The following EXT1 variants were observed in gnomAD, a reference collection of about 807,000 sequenced individuals.
EXT1 encodes exostosin-1.
Under a neutral mutation model 82.5 loss-of-function variants are expected in EXT1, and 20 were observed. The ratio of observed to expected loss-of-function variants is 0.24; its 90% CI spans 0.17 to 0.35. EXT1 has a LOEUF of 0.35. Among genes scored for constraint, EXT1 ranks in the 10% least tolerant of loss-of-function variants. EXT1 has a pLI of 1.00. For missense variants in EXT1, 757 were observed against 936.5 expected (o/e 0.81, Z 2.50); for synonymous variants, 348 against 350.8 (o/e 0.99, Z 0.09).
intron 1 of EXT1, among the ~76,000 whole-genome samples, chr8:118,053,239 T>C (rs1280932414): frequency 6.6e-6 from 1 of 152,108 alleles, no homozygotes; most frequent in Non-Finnish European, 1.5e-5. Context: ...GGAGGTCGGT[T>C]CTAAGCCCTT....
chr8:117,903,435 A>T (rs572053652), intron 1 of EXT1, among the ~76,000 whole-genome samples: 1 of 151,844 alleles, frequency 6.6e-6, no homozygotes, highest in Admixed American at 6.6e-5. Flanking sequence ...CCACTTAAAA[A>T]CTCTATGTTT....
At chr8:118,073,024 A>G (rs542499519) in intron 1 of EXT1, among the ~76,000 whole-genome samples, 14 of 152,306 alleles carry the variant, frequency 9.2e-5, no homozygotes, top group Non-Finnish European at 1.9e-4. Context: ...CTGATACTGG[A>G]CTTCAGGGGC....
intron 1 of EXT1, among the ~76,000 whole-genome samples, chr8:118,109,027 A>G (rs1817844041): frequency 6.6e-6 from 1 of 152,178 alleles, no homozygotes; most frequent in Admixed American, 6.5e-5. Flanking sequence ...AGCCAGATGT[A>G]AGTGAGAGTC....
chr8:118,075,882 C>T (rs946524898), intron 1 of EXT1, among the ~76,000 whole-genome samples: 1 of 152,076 alleles, frequency 6.6e-6, no homozygotes, highest in African/African-American at 2.4e-5. Flanking sequence ...CAAGCCATGA[C>T]GGATCAGTCC....
intron 1 of EXT1, 91 bp downstream of exon 1, chr8:118,109,994 C>T: frequency 6.9e-6 from 11 of 1,584,414 alleles, no homozygotes; most frequent in East Asian, 2.2e-5. Context: ...AGGGCTCATC[C>T]GCCCTCACCC....
intron 3 of EXT1, among the ~76,000 whole-genome samples, chr8:117,834,853 T>A (rs978364511): frequency 6.6e-5 from 10 of 151,498 alleles, no homozygotes; most frequent in East Asian, 5.8e-4. Flanking sequence ...CTTAGTAATT[T>A]AAAAAAAAAT....
At chr8:117,978,232 A>G (rs1189623237) in intron 1 of EXT1, among the ~76,000 whole-genome samples, 1 of 152,226 alleles carries the variant, frequency 6.6e-6, no homozygotes, top group African/African-American at 2.4e-5. Flanking sequence ...GCCCAGTGAA[A>G]TGTGAATGTC....
At chr8:118,037,684 T>G (rs1816448344) in intron 1 of EXT1, among the ~76,000 whole-genome samples, 1 of 152,186 alleles carries the variant, frequency 6.6e-6, no homozygotes, top group African/African-American at 2.4e-5. Flanking sequence ...AAATATAAAG[T>G]TCTCCACTGA....
At chr8:118,044,240 A>G (rs948380790) in intron 1 of EXT1, among the ~76,000 whole-genome samples, 2 of 152,154 alleles carry the variant, frequency 1.3e-5, no homozygotes, top group African/African-American at 4.8e-5. Flanking sequence ...TTGTTCTTCT[A>G]TGATCTCATT....
chr8:118,045,362 G>A (rs186600114), intron 1 of EXT1, among the ~76,000 whole-genome samples: 1 of 152,264 alleles, frequency 6.6e-6, no homozygotes, highest in Non-Finnish European at 1.5e-5. Context: ...CAAACTAGGG[G>A]AAGAAAGCAC....
chr8:118,069,427 T>A (rs1441799866), intron 1 of EXT1, among the ~76,000 whole-genome samples: 1 of 152,140 alleles, frequency 6.6e-6, no homozygotes, highest in Non-Finnish European at 1.5e-5. Context: ...CTCCCTGGGC[T>A]GGTGATCTCA....
chr8:117,830,103 A>G lies in EXT1; in HGVS notation c.1284+127T>C, dbSNP rs17503384. ...GCAGGTAAAAGAGGTTAACCAATAT[A>G]TCCAAGTACAGGAATCTGGTTTTGC... On this transcript the variant is annotated intron_variant, in intron 4 of 10. Transcript: ENST00000378204. 2,381 of 1,204,750 alleles carry G rather than the reference A, an allele frequency of 2.0e-3. 41 individuals are homozygous for G. In the African/African-American group the frequency reaches 0.029, roughly 15 times the overall value. 74.6% of individuals were successfully genotyped at this position (1,204,750 alleles called of 1,614,324 possible).
intron 1 of EXT1, among the ~76,000 whole-genome samples, chr8:118,048,362 C>T (rs1340197789): frequency 6.6e-6 from 1 of 152,180 alleles, no homozygotes; most frequent in Non-Finnish European, 1.5e-5. Flanking sequence ...TTATTTAGCC[C>T]TATAAAAGAT....
At chr8:118,053,014 T>C (rs10095646) in intron 1 of EXT1, among the ~76,000 whole-genome samples, 67,855 of 152,004 alleles carry the variant, frequency 0.45, 15,370 homozygotes, top group Middle Eastern at 0.52. Flanking sequence ...GCCAATGCAT[T>C]CATCACTCTG....
intron 1 of EXT1, among the ~76,000 whole-genome samples, chr8:117,871,951 C>A (rs970177871): frequency 6.6e-6 from 1 of 152,040 alleles, no homozygotes; most frequent in African/African-American, 2.4e-5. Flanking sequence ...ATAGCGAGAC[C>A]TTGTCTCTGC....
At chr8:117,899,215 G>A (rs1480308058) in intron 1 of EXT1, among the ~76,000 whole-genome samples, 2 of 152,180 alleles carry the variant, frequency 1.3e-5, no homozygotes, top group Non-Finnish European at 2.9e-5. Context: ...TAGACTGGCA[G>A]TAGTATATGT....
intron 2 of EXT1, 29 bp from the exon 3 acceptor site, chr8:117,835,580 T>C: frequency 6.5e-7 from 1 of 1,528,528 alleles, no homozygotes; most frequent in Non-Finnish European, 9.1e-7. Context: ...TTCGTGAATG[T>C]GAGGAAAGCG....
At chr8:117,943,373 G>A (rs1814324302) in intron 1 of EXT1, among the ~76,000 whole-genome samples, 1 of 152,094 alleles carries the variant, frequency 6.6e-6, no homozygotes, top group Non-Finnish European at 1.5e-5. Context: ...AATAGTCACA[G>A]CACCGATTGT....
At chr8:117,915,829 G>A (rs923736135) in intron 1 of EXT1, among the ~76,000 whole-genome samples, 15 of 150,866 alleles carry the variant, frequency 9.9e-5, no homozygotes, top group Non-Finnish European at 1.0e-4. Context: ...GCATTCCAGC[G>A]TGGGTGACAG....
Sources: allele counts gnomAD v4.1 joint callset (sites outside exome capture counted in the v4.1 genomes callset), GRCh38; gene constraint gnomAD v4.1.1; transcripts MANE v1.5; gene names NCBI Gene and HGNC (gene_info 2026-07-23, HGNC 2026-07-21).